Variants in ASTN2 observed in about 807,000 individuals in gnomAD.
ASTN2 encodes the protein astrotactin 2, also known as astrotactin-2.
A neutral mutation model predicts 139.8 loss-of-function variants in ASTN2; 54 were observed. The ratio of observed to expected loss-of-function variants is 0.39; its 90% CI spans 0.31 to 0.48. ASTN2 has a LOEUF of 0.48. ASTN2 is among the 20% of genes least tolerant of loss of function. ASTN2 has a pLI of 0.95. For synonymous variants in ASTN2, 756 were observed against 719.5 expected (o/e 1.05, Z -0.81); for missense variants, 1,565 against 1,725.1 (o/e 0.91, Z 1.64).
chr9:116,953,033 AG>A, intron 10 of ASTN2, among the ~76,000 whole-genome samples: 1 of 152,180 alleles, frequency 6.6e-6, no homozygotes, highest in East Asian at 1.9e-4. Context: ...TATAAAAGGA[AG>A]GGGTGGAGGA....
chr9:116,814,533 A>C (rs1293218985), intron 12 of ASTN2, among the ~76,000 whole-genome samples: 1 of 152,218 alleles, frequency 6.6e-6, no homozygotes, highest in Non-Finnish European at 1.5e-5. Context: ...CTCAGTTTAC[A>C]TAACACTAAG....
chr9:117,402,039 C>T (rs1312789031), intron 1 of ASTN2, among the ~76,000 whole-genome samples: 2 of 152,146 alleles, frequency 1.3e-5, no homozygotes, highest in Admixed American at 6.5e-5. Context: ...CCAGTGGAAA[C>T]TATGAAAAGT....
chr9:116,669,091 C>T (rs905753470), intron 16 of ASTN2, among the ~76,000 whole-genome samples: 1 of 152,172 alleles, frequency 6.6e-6, no homozygotes, highest in African/African-American at 2.4e-5. Context: ...CAGGCGGAAG[C>T]TATTTTCCAT....
chr9:117,150,651 G>A (rs1400870734), intron 3 of ASTN2, among the ~76,000 whole-genome samples: 1 of 152,112 alleles, frequency 6.6e-6, no homozygotes, highest in Admixed American at 6.6e-5. Context: ...AGCTGGTTTA[G>A]GATTAACTGA....
intron 2 of ASTN2, among the ~76,000 whole-genome samples, chr9:117,266,219 G>T (rs537584568): frequency 5.3e-4 from 80 of 152,030 alleles, no homozygotes; most frequent in Non-Finnish European, 8.5e-4. Flanking sequence ...CACAGCCAAG[G>T]GAAACATCTA....
At chr9:116,886,736 A>G (rs200357486) in intron 10 of ASTN2, among the ~76,000 whole-genome samples, 1 of 82,752 alleles carries the variant, frequency 1.2e-5, no homozygotes, top group African/African-American at 3.0e-5. Flanking sequence ...ATAAAAGAAT[A>G]TTTTTTTTAT....
intron 10 of ASTN2, among the ~76,000 whole-genome samples, chr9:116,972,455 G>A (rs1475490133): frequency 6.6e-6 from 1 of 151,166 alleles, no homozygotes; most frequent in Admixed American, 6.6e-5. Context: ...TCGTATTTTT[G>A]TAAGTCCTAC....
At chr9:116,718,972 G>GTGTGTA (rs56991546) in intron 16 of ASTN2, among the ~76,000 whole-genome samples, 3 of 100,000 alleles carry the variant, frequency 3.0e-5, no homozygotes, top group Non-Finnish European at 4.0e-5. Context: ...ACCTGTATCT[G>GTGTGTA]TACATATATA....
intron 4 of ASTN2, among the ~76,000 whole-genome samples, chr9:117,125,830 G>T (rs1188671688): frequency 7.8e-6 from 1 of 128,568 alleles, no homozygotes; most frequent in Non-Finnish European, 1.8e-5. Flanking sequence ...TCATTGCGGC[G>T]GGGGGGGGAA....
chr9:116,861,565 C>G (rs1832883902), intron 11 of ASTN2, among the ~76,000 whole-genome samples: 2 of 152,198 alleles, frequency 1.3e-5, no homozygotes, highest in Admixed American at 1.3e-4. Context: ...ATCAATCTAG[C>G]ATCTACAACT....
chr9:117,398,475 C>A (rs1419028053), intron 1 of ASTN2, among the ~76,000 whole-genome samples: 1 of 152,172 alleles, frequency 6.6e-6, no homozygotes, highest in Admixed American at 6.5e-5. Flanking sequence ...TCCAGAGCAA[C>A]TCATACTCCC....
chr9:116,782,426 C>T (rs978136134), intron 13 of ASTN2, among the ~76,000 whole-genome samples: 2 of 152,290 alleles, frequency 1.3e-5, no homozygotes, highest in East Asian at 1.9e-4. Flanking sequence ...GAGGAGACAG[C>T]CATTCTTCTT....
chr9:117,291,857 C>A (rs542422003), intron 1 of ASTN2, among the ~76,000 whole-genome samples: 1 of 152,184 alleles, frequency 6.6e-6, no homozygotes, highest in East Asian at 1.9e-4. Flanking sequence ...GGCTATGGAA[C>A]TAGAAGAAGA....
intron 17 of ASTN2, among the ~76,000 whole-genome samples, chr9:116,641,811 G>C (rs941999821): frequency 6.6e-6 from 1 of 152,046 alleles, no homozygotes; most frequent in African/African-American, 2.4e-5. Flanking sequence ...TTGACCATGA[G>C]TGTGTTGAGT....
At chr9:117,193,450 C>T (rs1809678619) in intron 3 of ASTN2, among the ~76,000 whole-genome samples, 2 of 151,700 alleles carry the variant, frequency 1.3e-5, no homozygotes, top group Non-Finnish European at 2.9e-5. Flanking sequence ...CCATCCTGGC[C>T]AACATGGTGA....
intron 1 of ASTN2, among the ~76,000 whole-genome samples, chr9:117,334,247 G>A (rs79579267): frequency 0.044 from 6,723 of 152,066 alleles, 213 homozygotes; most frequent in South Asian, 0.098. Context: ...GGGATAAAAG[G>A]GCTGGCATAT....
At chr9:116,612,983 CAT>C (rs1172064476) in intron 19 of ASTN2, 1 of 150,978 alleles carries the variant, frequency 6.6e-6, no homozygotes, top group Non-Finnish European at 1.5e-5. Flanking sequence ...TAGCAAGACT[CAT>C]AAAGAATAAA....
intron 19 of ASTN2, among the ~76,000 whole-genome samples, chr9:116,522,906 T>C (rs1850939753): frequency 6.6e-6 from 1 of 152,134 alleles, no homozygotes; most frequent in African/African-American, 2.4e-5. Flanking sequence ...GCACAGCTAT[T>C]AACTATGAAT....
chr9:117,232,051 A>G (rs1832908832), intron 2 of ASTN2, among the ~76,000 whole-genome samples: 1 of 152,054 alleles, frequency 6.6e-6, no homozygotes, highest in South Asian at 2.1e-4. Context: ...TCACCCTGCC[A>G]CCTCCATGGG....
Sources: gnomAD v4.1 joint callset for allele counts (sites outside exome capture counted in the v4.1 genomes callset) on GRCh38, gnomAD v4.1.1 for gene constraint, MANE v1.5 for transcripts, NCBI Gene and HGNC (gene_info 2026-07-23, HGNC 2026-07-21) for gene names.